Variants in BOD1L1 observed in about 807,000 individuals in gnomAD.
The protein encoded by BOD1L1 is biorientation of chromosomes in cell division 1 like 1.
Under a neutral mutation model 240.7 loss-of-function variants are expected in BOD1L1, and 86 were observed. That is an observed-to-expected ratio of 0.36 (90% CI 0.30 to 0.43). BOD1L1 has a LOEUF of 0.43. Ranked by LOEUF, BOD1L1 falls within the 20% of genes least tolerant of loss-of-function variation. BOD1L1 has a pLI of 1.00. For synonymous variants in BOD1L1, 1,268 were observed against 1,272.3 expected (o/e 1.00, Z 0.07); for missense variants, 3,554 against 3,643.5 (o/e 0.98, Z 0.63).
At chr4:13,610,515 A>C (rs576396135) in intron 6 of BOD1L1, among the ~76,000 whole-genome samples, 2 of 152,354 alleles carry the variant, frequency 1.3e-5, no homozygotes, top group African/African-American at 4.8e-5. Context: ...TGGCAGTCAA[A>C]ATGCAGTCAA....
rs1171434781 is a variant in BOD1L1, at chr4:13,627,338, T to C, written c.243+7A>G. 1.5e-6 allele frequency: 2 copies of C among 1,308,352 alleles called. No homozygotes were observed. The highest frequency in any genetic ancestry group is 5.8e-5 in the East Asian group (2 of 34,612). The allele number at this position is 1,308,352 out of a possible 1,614,324, so 81.0% of individuals were successfully genotyped here. A position where few individuals can be genotyped will look rare whatever the true frequency, so the allele number is the denominator to read the frequency against. ...TCGCAGACCCCCAAACCCGGCGCGC[T>C]CCTAACCTTGGTGTCCACGTCGGCC... On this transcript the variant is annotated splice_region_variant and intron_variant, in intron 1 of 25. Coordinates refer to ENST00000040738, the MANE Select transcript of BOD1L1 (RefSeq NM_148894.3).
Position 13,587,679 on chromosome 4 carries a change from A to G in BOD1L1, c.8353+20T>C, listed in dbSNP as rs369354154. ...AATGATTTTCAAAGATGTCTAAAACAGAAACATAAATATAAATACCTGGTT... is the reference window on the plus strand; with the variant it reads ...AATGATTTTCAAAGATGTCTAAAACGGAAACATAAATATAAATACCTGGTT... On this transcript the variant is annotated intron_variant, in intron 16 of 25. Coordinates refer to ENST00000040738, the MANE Select transcript of BOD1L1 (RefSeq NM_148894.3). 1 of 1,508,400 alleles carries G rather than the reference A, an allele frequency of 6.6e-7. No individual in the cohort carries two copies. Among genetic ancestry groups the G allele is most frequent in the Middle Eastern group, 1.8e-4 (1 of 5,482 alleles). 93.4% of individuals were successfully genotyped at this position (1,508,400 alleles called of 1,614,324 possible).
At position 13,604,791 on chromosome 4, in the gene BOD1L1, T is replaced by C. The variant is rs200983981; in HGVS notation, c.2109A>G (p.Leu703=). ...QKSTLKNEKH[L]KKDDSETPHL... Reference sequence around the variant, plus strand: ...GTGGTGTTTCAGAATCATCTTTCTTTAGATGCTTTTCGTTTTTAAGTGTGC... The same window carrying C: ...GTGGTGTTTCAGAATCATCTTTCTTCAGATGCTTTTCGTTTTTAAGTGTGC... The change falls in exon 10 of 26, where the codon CTA becomes CTG. Residue 703 remains leucine, a synonymous_variant. Coordinates refer to ENST00000040738, the MANE Select transcript of BOD1L1 (RefSeq NM_148894.3). The C allele has an allele frequency of 2.7e-4, 440 of 1,613,400 alleles. No individual in the cohort carries two copies. The highest frequency in any genetic ancestry group is 3.6e-4 in the Non-Finnish European group (430 of 1,179,692).
At chr4:13,619,816 G>T in intron 2 of BOD1L1, 127 bp downstream of exon 2, 1 of 1,203,284 alleles carries the variant, frequency 8.3e-7, no homozygotes, top group Non-Finnish European at 1.1e-6. Flanking sequence ...ACACGAAATA[G>T]CCACACCAAA....
At chr4:13,581,083 C>A (rs769231233) in intron 20 of BOD1L1, 29 bp from the exon 21 acceptor site, 3 of 1,562,952 alleles carry the variant, frequency 1.9e-6, no homozygotes, top group Middle Eastern at 1.8e-4. Flanking sequence ...CTTAGAAAAT[C>A]GGTTCGAAAA....
chr4:13,588,093 C>G (rs1170758444), intron 15 of BOD1L1, among the ~76,000 whole-genome samples: 4 of 149,124 alleles, frequency 2.7e-5, no homozygotes, highest in Non-Finnish European at 5.9e-5. Context: ...GAGGCTGAGG[C>G]AGGAGAATGG....
rs77585654 is a variant in BOD1L1, at chr4:13,574,783, C to T, written c.9038+2055G>A. 4.6e-3 allele frequency among the ~76,000 whole-genome samples: 705 copies of T among 152,320 alleles called. 6 individuals are homozygous for T. Among genetic ancestry groups the T allele is most frequent in the African/African-American group, 0.016 (667 of 41,582 alleles). Reference sequence around the variant, plus strand: ...AAACAAATATGAGACCACCTTATAACTTTAGCCGTGTGAGCTTCTAGAGTC... The same window carrying T: ...AAACAAATATGAGACCACCTTATAATTTTAGCCGTGTGAGCTTCTAGAGTC... On this transcript the variant is annotated intron_variant, in intron 25 of 25. Coordinates refer to ENST00000040738, the MANE Select transcript of BOD1L1 (RefSeq NM_148894.3).
In BOD1L1 at chr4:13,601,732, G is replaced by C. The variant is rs757787479; in HGVS notation, c.5168C>G (p.Thr1723Arg). 4 of 1,613,828 alleles carry C rather than the reference G, an allele frequency of 2.5e-6. No individual in the cohort carries two copies. The African/African-American group carries it at 5.3e-5, about 22-fold the overall frequency. Reference protein sequence around the residue: ...NMMRMGPKKETEGTVTCTGAE... With the variant: ...NMMRMGPKKEREGTVTCTGAE... ...TCCTGTACATGTCACAGTGCCCTCT[G>C]TTTCTTTTTTGGGACCCATTCTCAT... The change falls in exon 10 of 26, where the codon ACA becomes AGA. Residue 1723 changes from threonine (T) to arginine (R), a missense_variant. Physicochemically the swap from Thr to Arg is moderately conservative, Grantham distance 71. This residue lies in a region of BOD1L1 where 3,393 missense variants were observed against 3,427.1 expected (regional missense o/e 0.99). Coordinates refer to ENST00000040738, the MANE Select transcript of BOD1L1 (RefSeq NM_148894.3).
chr4:13,614,526 C>T lies in BOD1L1; in HGVS notation c.844G>A (p.Asp282Asn), dbSNP rs757420401. The T allele has an allele frequency of 3.7e-6, 6 of 1,613,934 alleles. No homozygotes were observed. Among genetic ancestry groups the T allele is most frequent in the Middle Eastern group, 3.3e-4 (2 of 6,060 alleles). Reference protein sequence around the residue: ...ETAPKSEEFSDLPCPVEEIKN... With the variant: ...ETAPKSEEFSNLPCPVEEIKN... Reference sequence around the variant, plus strand: ...ATTTCTTCGACTGGACAGGGGAGGTCGCTGAACTCTTCAGACTTTGGGGCT... The same window carrying T: ...ATTTCTTCGACTGGACAGGGGAGGTTGCTGAACTCTTCAGACTTTGGGGCT... The change falls in exon 4 of 26, where the codon GAC becomes AAC. Residue 282 changes from aspartate (D) to asparagine (N), a missense_variant. Physicochemically the swap from Asp to Asn is conservative, Grantham distance 23 (BLOSUM62 1). This residue lies in a region of BOD1L1 where 3,393 missense variants were observed against 3,427.1 expected (regional missense o/e 0.99). Coordinates refer to ENST00000040738, the MANE Select transcript of BOD1L1 (RefSeq NM_148894.3).
In BOD1L1 at chr4:13,603,834, G is replaced by C. The variant is rs1424830586; in HGVS notation, c.3066C>G (p.Ser1022Arg). 6.2e-7 allele frequency: 1 copy of C among 1,613,156 alleles called. No homozygotes were observed. Among genetic ancestry groups the C allele is most frequent in the Non-Finnish European group, 8.5e-7 (1 of 1,179,848 alleles). Residue 1022 changes from serine to arginine, a missense_variant, in exon 10 of 26, where the codon AGC (serine) becomes AGG (arginine). Ser to Arg is a moderately radical substitution (Grantham distance 110, BLOSUM62 -1). Coordinates refer to ENST00000040738, the MANE Select transcript of BOD1L1 (RefSeq NM_148894.3). Reference sequence around the variant, plus strand: ...CTTTACTACTATGCTTTAAGCTTCTGCTTTTGTGGCCATCTGACAACTTTC... The same window carrying C: ...CTTTACTACTATGCTTTAAGCTTCTCCTTTTGTGGCCATCTGACAACTTTC... ...LERKLSDGHK[S>R]RSLKHSSKDI...
intron 17 of BOD1L1, among the ~76,000 whole-genome samples, chr4:13,584,437 AGAGAGTGTGT>A (rs1713497199): frequency 8.0e-6 from 1 of 125,782 alleles, no homozygotes; most frequent in Non-Finnish European, 1.6e-5. Flanking sequence ...AGAAAGAGAG[AGAGAGTGTGT>A]GTGTGTGTGT....
At chr4:13,610,862 C>T (rs1491251) in intron 6 of BOD1L1, 72 bp downstream of exon 6, 192,000 of 1,315,572 alleles carry the variant, frequency 0.15, 14,973 homozygotes, top group South Asian at 0.2. Flanking sequence ...CACATCAGTA[C>T]CTTGCAGATA....
chr4:13,610,861 A>T, intron 6 of BOD1L1, 73 bp downstream of exon 6: 1 of 1,311,954 alleles, frequency 7.6e-7, no homozygotes, highest in Non-Finnish European at 1.0e-6. Flanking sequence ...GCACATCAGT[A>T]CCTTGCAGAT....
Position 13,597,136 on chromosome 4 carries a change from C to T in BOD1L1, c.7987G>A (p.Gly2663Arg). 1 of 1,595,788 alleles carries T rather than the reference C, an allele frequency of 6.3e-7. No individual in the cohort carries two copies. The highest frequency in any genetic ancestry group is 1.7e-5 in the Admixed American group (1 of 57,620). Reference sequence around the variant, plus strand: ...TTCAAGTTGGCTTTCAGTTTCAATCCTCCCAAAACATTCAATGGAGACTCT... The same window carrying T: ...TTCAAGTTGGCTTTCAGTTTCAATCTTCCCAAAACATTCAATGGAGACTCT... ...NEESPLNVLG[G>R]LKLKANLKME... The change falls in exon 11 of 26, where the codon GGA becomes AGA. Residue 2663 changes from glycine (G) to arginine (R), a missense_variant. Coordinates refer to ENST00000040738, the MANE Select transcript of BOD1L1 (RefSeq NM_148894.3).
chr4:13,583,006 T>C (rs1713359863), intron 17 of BOD1L1, among the ~76,000 whole-genome samples: 1 of 152,202 alleles, frequency 6.6e-6, no homozygotes, highest in African/African-American at 2.4e-5. Flanking sequence ...AAATTGTTCT[T>C]CTCCTCCCTC....
rs1359630443 is a variant in BOD1L1 at position 13,577,631 on chromosome 4, T to C, written c.8750A>G (p.Asp2917Gly). ...SSSKLKVMQT[D>G]ESNKETANLQ... is the part of the protein sequence containing the mutation. ...GTTAGCTGTTTCTTTATTGGATTCA[T>C]CTTTAAGAAAAGGGAAATCTCTGCA... Residue 2917 changes from aspartate (D) to glycine (G), a missense_variant and splice_region_variant, in exon 23 of 26, where the codon GAT becomes GGT. Coordinates refer to ENST00000040738, the MANE Select transcript of BOD1L1 (RefSeq NM_148894.3). 6.5e-7 allele frequency: 1 copy of C among 1,549,026 alleles called. No homozygotes were observed.
Position 13,602,252 on chromosome 4 carries a change from C to A in BOD1L1, c.4648G>T (p.Val1550Leu). Reference protein sequence around the residue: ...TTSSETRQSEVALPCTSIEAD... With the variant: ...TTSSETRQSELALPCTSIEAD... ...TCAATGCTGGTGCAAGGCAAAGCCA[C>A]CTCACTTTGTCTTGTTTCTGAAGAA... is the stretch of plus-strand genomic sequence containing the variant. The change falls in exon 10 of 26, where the codon GTG (valine) becomes TTG (leucine). Residue 1550 changes from valine to leucine, a missense_variant. Physicochemically the swap from Val to Leu is conservative, Grantham distance 32. Transcript: ENST00000040738. The A allele has an allele frequency of 6.2e-7, 1 of 1,613,950 alleles. No homozygotes were observed. The highest frequency in any genetic ancestry group is 8.5e-7 in the Non-Finnish European group (1 of 1,179,858).
intron 9 of BOD1L1, among the ~76,000 whole-genome samples, chr4:13,606,575 C>T (rs1377429132): frequency 1.3e-5 from 2 of 152,140 alleles, no homozygotes; most frequent in Non-Finnish European, 2.9e-5. Context: ...ATGATCAAAT[C>T]TTGGAAACAA....
intron 12 of BOD1L1, among the ~76,000 whole-genome samples, chr4:13,595,540 C>T (rs1341498074): frequency 1.3e-5 from 2 of 152,174 alleles, no homozygotes; most frequent in Non-Finnish European, 2.9e-5. Context: ...GCAATAGCAT[C>T]TGGGGACAGG....
Sources: gnomAD v4.1 joint callset for allele counts (sites outside exome capture counted in the v4.1 genomes callset) on GRCh38, gnomAD v4.1.1 for gene constraint, gnomAD v4.1.1 regional missense constraint, MANE v1.5 for transcripts, NCBI Gene and HGNC (gene_info 2026-07-23, HGNC 2026-07-21) for gene names.